The following ARF4 variants were observed in gnomAD, a reference collection of about 807,000 sequenced individuals.
ARF4 encodes ARF GTPase 4.
ARF4 carries 5 observed loss-of-function variants against 24.3 expected under a neutral mutation model. That is an observed-to-expected ratio of 0.21 (90% CI 0.11 to 0.43). The LOEUF is 0.43. ARF4 is among the 20% of genes least tolerant of loss of function. The pLI is 1.00. For synonymous variants in ARF4, 62 were observed against 73.5 expected, an observed-to-expected ratio of 0.84 and a Z score of 0.80; for missense variants, 107 against 213.0, an observed-to-expected ratio of 0.50 and a Z score of 3.10.
At chr3:57,584,763 C>CT (rs1389925556) in intron 1 of ARF4, among the ~76,000 whole-genome samples, 1 of 151,872 alleles carries the variant, frequency 6.6e-6, no homozygotes, top group Non-Finnish European at 1.5e-5. Flanking sequence ...CTTTAGGACA[C>CT]TGAGACCAGA....
chr3:57,578,579 A>C (rs1454641269), intron 3 of ARF4, among the ~76,000 whole-genome samples: 2 of 152,058 alleles, frequency 1.3e-5, no homozygotes, highest in African/African-American at 4.8e-5. Context: ...CCCTGGGCTC[A>C]AATGATCCTC....
chr3:57,595,698 C>T (rs1217549517), intron 1 of ARF4, among the ~76,000 whole-genome samples: 1 of 152,142 alleles, frequency 6.6e-6, no homozygotes, highest in Admixed American at 6.5e-5. Context: ...CCTGTAATCC[C>T]AGCACTCTGG....
intron 3 of ARF4, among the ~76,000 whole-genome samples, chr3:57,580,405 CTT>C (rs1446107963): frequency 6.6e-6 from 1 of 151,774 alleles, no homozygotes; most frequent in African/African-American, 2.4e-5. Context: ...TTTGTTTCTT[CTT>C]TTTTTCAAAA....
At chr3:57,596,706 C>T (rs1185661157) in intron 1 of ARF4, 1 of 235,024 alleles carries the variant, frequency 4.3e-6, no homozygotes. Context: ...TGTCCACACC[C>T]GGGCAAGAAG....
intron 1 of ARF4, among the ~76,000 whole-genome samples, chr3:57,588,752 T>C (rs2070068706): frequency 7.7e-6 from 1 of 129,948 alleles, no homozygotes; most frequent in African/African-American, 3.0e-5. Context: ...AGCTCAGGAG[T>C]TTGTGACCAG....
chr3:57,584,286 A>T (rs1033672313), intron 2 of ARF4, 98 bp downstream of exon 2: 5 of 1,147,060 alleles, frequency 4.4e-6, no homozygotes, highest in Non-Finnish European at 5.1e-6. Context: ...CTTCTAAGAT[A>T]ATCAACATGC....
At chr3:57,584,920 G>C (rs2070018481) in intron 1 of ARF4, among the ~76,000 whole-genome samples, 1 of 152,164 alleles carries the variant, frequency 6.6e-6, no homozygotes, top group Admixed American at 6.6e-5. Flanking sequence ...CGGGAGTGAA[G>C]TGGCATGATC....
chr3:57,582,890 C>G (rs938567744), intron 3 of ARF4, among the ~76,000 whole-genome samples: 3 of 152,154 alleles, frequency 2.0e-5, no homozygotes, highest in African/African-American at 4.8e-5. Context: ...TTTCAGTTTC[C>G]TCATATGTAA....
intron 3 of ARF4, among the ~76,000 whole-genome samples, chr3:57,582,711 C>T (rs1185979560): frequency 7.0e-6 from 1 of 143,358 alleles, no homozygotes; most frequent in Admixed American, 7.4e-5. Context: ...CATTGCAAGT[C>T]TTAAAAATAT....
At chr3:57,580,578 A>T (rs543970749) in intron 3 of ARF4, among the ~76,000 whole-genome samples, 5 of 150,800 alleles carry the variant, frequency 3.3e-5, no homozygotes, top group African/African-American at 9.7e-5. Flanking sequence ...ATTTTTTTTT[A>T]ATTTTTTTTT....
chr3:57,588,931 C>T (rs1183312449), intron 1 of ARF4, among the ~76,000 whole-genome samples: 1 of 152,044 alleles, frequency 6.6e-6, no homozygotes, highest in African/African-American at 2.4e-5. Flanking sequence ...GGAGAAAGCC[C>T]GTCTCTACTA....
intron 1 of ARF4, among the ~76,000 whole-genome samples, chr3:57,588,588 T>TCA (rs1368367918): frequency 1.4e-5 from 2 of 147,608 alleles, no homozygotes; most frequent in Non-Finnish European, 3.0e-5. Flanking sequence ...GCACAGTGGC[T>TCA]CACACCTGTA....
chr3:57,575,450 A>G, intron 5 of ARF4, 98 bp downstream of exon 5: 1 of 1,241,980 alleles, frequency 8.1e-7, no homozygotes, highest in Non-Finnish European at 1.1e-6. Context: ...TTATTTGTCC[A>G]AAGGAGATAA....
At chr3:57,581,522 C>G (rs183447732) in intron 3 of ARF4, among the ~76,000 whole-genome samples, 1 of 152,166 alleles carries the variant, frequency 6.6e-6, no homozygotes, top group Non-Finnish European at 1.5e-5. Flanking sequence ...ATATATTGGC[C>G]AAGCGCAGTA....
At chr3:57,581,257 G>A (rs981812312) in intron 3 of ARF4, among the ~76,000 whole-genome samples, 2 of 152,142 alleles carry the variant, frequency 1.3e-5, no homozygotes, top group Non-Finnish European at 2.9e-5. Context: ...CAAGCTAAGA[G>A]CTTAGCTTTG....
chr3:57,594,440 A>G (rs1162976826), intron 1 of ARF4, among the ~76,000 whole-genome samples: 1 of 152,170 alleles, frequency 6.6e-6, no homozygotes, highest in African/African-American at 2.4e-5. Context: ...TCACTTGCAT[A>G]ACTTACCCTT....
intron 1 of ARF4, 112 bp downstream of exon 1, chr3:57,596,962 G>T (rs1368797218): frequency 2.1e-5 from 25 of 1,191,168 alleles, no homozygotes; most frequent in Non-Finnish European, 3.0e-5. Context: ...CCCCGACCCG[G>T]CGCCCCTCCC....
At chr3:57,575,705 C>G (rs1200456398) in intron 4 of ARF4, 32 bp from the exon 5 acceptor site, 2 of 1,572,838 alleles carry the variant, frequency 1.3e-6, no homozygotes, top group East Asian at 4.6e-5. Flanking sequence ...TTAACAACTA[C>G]CAACCGGAAT....
At chr3:57,596,335 A>AC (rs1449466557) in intron 1 of ARF4, among the ~76,000 whole-genome samples, 2 of 152,174 alleles carry the variant, frequency 1.3e-5, no homozygotes, top group East Asian at 1.9e-4. Flanking sequence ...TTTGCATTAG[A>AC]CCTTAGACCG....
Sources: gnomAD v4.1 joint callset for allele counts (sites outside exome capture counted in the v4.1 genomes callset) on GRCh38, gnomAD v4.1.1 for gene constraint, MANE v1.5 for transcripts, NCBI Gene and HGNC (gene_info 2026-07-23, HGNC 2026-07-21) for gene names.